Variants in PIP5K1B observed in about 807,000 individuals in gnomAD.
PIP5K1B encodes the protein phosphatidylinositol 4-phosphate 5-kinase type-1 beta.
Under a neutral mutation model 67.0 loss-of-function variants are expected in PIP5K1B, and 42 were observed. That is an observed-to-expected ratio of 0.63 (90% CI 0.49 to 0.81). The LOEUF (loss-of-function observed/expected upper bound fraction) is 0.81. Ranked by LOEUF, PIP5K1B falls within the 30% of genes least tolerant of loss-of-function variation. The pLI, the probability that PIP5K1B is intolerant of heterozygous loss-of-function variation, is 0.00. For synonymous variants in PIP5K1B, 214 were observed against 231.4 expected (o/e 0.92, Z 0.68); for missense variants, 459 against 646.3 (o/e 0.71, Z 3.14).
intron 8 of PIP5K1B, among the ~76,000 whole-genome samples, chr9:68,896,982 C>T (rs1477147747): frequency 6.6e-6 from 1 of 152,212 alleles, no homozygotes; most frequent in Non-Finnish European, 1.5e-5. Flanking sequence ...TTACCTCTCT[C>T]TCTCTTCAGG....
intron 14 of PIP5K1B, among the ~76,000 whole-genome samples, chr9:68,979,468 G>A (rs547462638): frequency 1.2e-4 from 14 of 114,198 alleles, no homozygotes; most frequent in East Asian, 2.6e-4. Flanking sequence ...AGCGATATAC[G>A]GTGAAAAAGG....
chr9:68,793,645 T>G (rs187391734), intron 2 of PIP5K1B, among the ~76,000 whole-genome samples: 2 of 152,096 alleles, frequency 1.3e-5, no homozygotes, highest in East Asian at 3.9e-4. Flanking sequence ...AGTAGGATAT[T>G]TTTTGGTGGG....
chr9:68,945,703 C>T lies in PIP5K1B; in HGVS notation c.1502+4913C>T, dbSNP rs530069932. Among the ~76,000 whole-genome samples, 642 of 152,330 alleles carry T rather than the reference C, an allele frequency of 4.2e-3. 11 individuals carry two copies. Among genetic ancestry groups the T allele is most frequent in the South Asian group, 0.019 (94 of 4,826 alleles). ...TATTATATTTACGGTCTCCATCTTA[C>T]ACATGAGGAAATTGATGCTTAGCAA... On this transcript the variant is annotated intron_variant, in intron 14 of 15. Coordinates refer to ENST00000265382, the MANE Select transcript of PIP5K1B (RefSeq NM_003558.4).
At chr9:68,968,715 A>ATATTTT (rs779031015) in intron 14 of PIP5K1B, among the ~76,000 whole-genome samples, 96 of 142,220 alleles carry the variant, frequency 6.8e-4, no homozygotes, top group African/African-American at 2.4e-3. Flanking sequence ...ATATATATAT[A>ATATTTT]TTTTTTTTTT....
intron 14 of PIP5K1B, among the ~76,000 whole-genome samples, chr9:68,945,492 A>C (rs77768082): frequency 2.6e-5 from 4 of 152,172 alleles, no homozygotes; most frequent in Non-Finnish European, 4.4e-5. Flanking sequence ...TCTACCAGCT[A>C]TTGGTGAATT....
intron 4 of PIP5K1B, among the ~76,000 whole-genome samples, chr9:68,851,535 G>T (rs1456773802): frequency 6.6e-6 from 1 of 152,218 alleles, no homozygotes; most frequent in East Asian, 1.9e-4. Flanking sequence ...AGTCACGTAT[G>T]AAATGATTCA....
chr9:68,912,088 A>G (rs1825882001), intron 8 of PIP5K1B, among the ~76,000 whole-genome samples: 2 of 152,230 alleles, frequency 1.3e-5, no homozygotes, highest in East Asian at 1.9e-4. Flanking sequence ...TCATTCAAGT[A>G]TTACCCTCTC....
chr9:68,995,770 A>G (rs1341564638), intron 15 of PIP5K1B, among the ~76,000 whole-genome samples: 1 of 148,320 alleles, frequency 6.7e-6, no homozygotes, highest in South Asian at 2.1e-4. Context: ...GCGCCATTGC[A>G]CTCCAGCCTG....
chr9:68,721,832 TAAG>T, intron 1 of PIP5K1B, among the ~76,000 whole-genome samples: 1 of 152,286 alleles, frequency 6.6e-6, no homozygotes, highest in East Asian at 1.9e-4. Flanking sequence ...TGAAATTGTG[TAAG>T]AAGAAGACAG....
chr9:68,780,973 C>T, intron 2 of PIP5K1B: 1 of 1,614,232 alleles, frequency 6.2e-7, no homozygotes, highest in Non-Finnish European at 8.5e-7. Context: ...TCTCCTGTGT[C>T]ACCTGCCCAA....
At chr9:68,917,810 C>A in intron 9 of PIP5K1B, 51 bp downstream of exon 9, 1 of 1,321,620 alleles carries the variant, frequency 7.6e-7, no homozygotes, top group South Asian at 1.2e-5. Flanking sequence ...CAGCCCACGT[C>A]ACTGGGTAAT....
chr9:68,837,071 G>A (rs1834652835), intron 4 of PIP5K1B, among the ~76,000 whole-genome samples: 2 of 152,230 alleles, frequency 1.3e-5, no homozygotes, highest in Admixed American at 6.5e-5. Context: ...GGGCCGGAAA[G>A]CGTTCAGCAC....
At chr9:68,891,533 GAA>G (rs1168194294) in intron 7 of PIP5K1B, among the ~76,000 whole-genome samples, 1 of 151,682 alleles carries the variant, frequency 6.6e-6, no homozygotes, top group African/African-American at 2.4e-5. Flanking sequence ...ATAGCTCATG[GAA>G]AAATACAAGA....
chr9:68,847,573 A>G (rs1323662162), intron 4 of PIP5K1B, among the ~76,000 whole-genome samples: 1 of 151,822 alleles, frequency 6.6e-6, no homozygotes, highest in Non-Finnish European at 1.5e-5. Flanking sequence ...TAAAGCTGGT[A>G]AACAGCCTAG....
In PIP5K1B at chr9:69,008,891, A is replaced by G. The variant is rs1200345156; in HGVS notation, c.*442A>G. 6.3e-6 allele frequency: 1 copy of G among 159,108 alleles called. No homozygotes were observed. Among genetic ancestry groups the G allele is most frequent in the East Asian group, 1.7e-4 (1 of 5,852 alleles). 9.9% of individuals were successfully genotyped at this position (159,108 alleles called of 1,614,324 possible). A position where few individuals can be genotyped will look rare whatever the true frequency, so the allele number is the denominator to read the frequency against. On this transcript the variant is annotated 3_prime_UTR_variant, in exon 16 of 16. Coordinates refer to ENST00000265382, the MANE Select transcript of PIP5K1B (RefSeq NM_003558.4). ...TAAGTATAAATTCTTTTGCAAAATT[A>G]TAGTTCATGTCATTGAAAGTTTAAA...
chr9:68,764,844 A>G (rs1297120914), intron 2 of PIP5K1B, among the ~76,000 whole-genome samples: 1 of 152,100 alleles, frequency 6.6e-6, no homozygotes, highest in African/African-American at 2.4e-5. Flanking sequence ...TGATTTTGAA[A>G]TTGTAATTAC....
chr9:68,791,263 C>T (rs1293839136), intron 2 of PIP5K1B, among the ~76,000 whole-genome samples: 1 of 152,094 alleles, frequency 6.6e-6, no homozygotes, highest in Non-Finnish European at 1.5e-5. Context: ...GTTTTAATGT[C>T]GAGATGCCAA....
At chr9:69,006,494 C>T (rs1831086298) in intron 15 of PIP5K1B, among the ~76,000 whole-genome samples, 1 of 152,212 alleles carries the variant, frequency 6.6e-6, no homozygotes, top group Non-Finnish European at 1.5e-5. Context: ...TTGCTGGTGA[C>T]AGTGTCACAT....
chr9:68,786,652 AAATT>A (rs1831635668), intron 2 of PIP5K1B, among the ~76,000 whole-genome samples: 1 of 152,138 alleles, frequency 6.6e-6, no homozygotes, highest in African/African-American at 2.4e-5. Context: ...AATAGGCAAG[AAATT>A]AAAGTGTATA....
Sources: gnomAD v4.1 joint callset for allele counts (sites outside exome capture counted in the v4.1 genomes callset) on GRCh38, gnomAD v4.1.1 for gene constraint, MANE v1.5 for transcripts, NCBI Gene and HGNC (gene_info 2026-07-23, HGNC 2026-07-21) for gene names.